M1AP: variants seen among roughly 807,000 people sequenced by gnomAD.
M1AP encodes meiosis 1 associated protein, also known as meiosis 1 arrest protein.
In M1AP, 39 loss-of-function variants were observed where a neutral mutation model predicts 51.2. The observed-to-expected ratio is 0.76, with a 90% CI of 0.59 to 1.00. The LOEUF (loss-of-function observed/expected upper bound fraction) is 1.00, where lower values mean the gene tolerates loss of function less well. Among genes scored for constraint, M1AP ranks in the 50% least tolerant of loss-of-function variants. The pLI is 0.00. For synonymous variants in M1AP, 251 were observed against 249.2 expected, an observed-to-expected ratio of 1.01 and a Z score of -0.07; for missense variants, 545 against 641.2, an observed-to-expected ratio of 0.85 and a Z score of 1.62.
chr2:74,567,149 T>G (rs1157604410), intron 7 of M1AP, among the ~76,000 whole-genome samples: 1 of 152,226 alleles, frequency 6.6e-6, no homozygotes, highest in Non-Finnish European at 1.5e-5. Context: ...ATATATTTAT[T>G]TCCTACCACA....
intron 2 of M1AP, among the ~76,000 whole-genome samples, chr2:74,623,989 A>T (rs962571038): frequency 4.6e-5 from 7 of 152,170 alleles, no homozygotes; most frequent in African/African-American, 1.7e-4. Flanking sequence ...ACTGTTAATT[A>T]AAAAAAATTA....
intron 2 of M1AP, among the ~76,000 whole-genome samples, chr2:74,622,137 CAA>C (rs902485795): frequency 2.0e-5 from 3 of 151,348 alleles, no homozygotes; most frequent in Non-Finnish European, 4.4e-5. Flanking sequence ...AAAAAAAAGA[CAA>C]TATAAAAAAT....
chr2:74,589,067 C>T (rs1003194627), intron 4 of M1AP, among the ~76,000 whole-genome samples: 13 of 152,178 alleles, frequency 8.5e-5, no homozygotes, highest in East Asian at 1.9e-4. Flanking sequence ...TGTGTGTGCA[C>T]GCGCGCGCGT....
intron 2 of M1AP, among the ~76,000 whole-genome samples, chr2:74,629,763 AT>A (rs1185966147): frequency 6.6e-6 from 1 of 151,930 alleles, no homozygotes; most frequent in African/African-American, 2.4e-5. Context: ...AAAAAAAAAA[AT>A]GTATAAAATT....
chr2:74,626,257 G>GT (rs1337799000), intron 2 of M1AP, among the ~76,000 whole-genome samples: 6,027 of 125,846 alleles, frequency 0.048, 330 homozygotes, highest in African/African-American at 0.11. Context: ...CTATATTTCA[G>GT]TTTTTTTTTT....
At chr2:74,648,159 C>A (rs1683715855) in intron 1 of M1AP, 106 bp downstream of exon 1, 8 of 962,156 alleles carry the variant, frequency 8.3e-6, no homozygotes, top group Non-Finnish European at 9.9e-6. Flanking sequence ...GCAACCAACA[C>A]CTGCCTGAGG....
intron 2 of M1AP, among the ~76,000 whole-genome samples, chr2:74,636,790 A>G (rs1313050829): frequency 6.6e-6 from 1 of 152,016 alleles, no homozygotes; most frequent in Non-Finnish European, 1.5e-5. Flanking sequence ...TTTCCTCTAC[A>G]TATATCTCAA....
intron 4 of M1AP, among the ~76,000 whole-genome samples, chr2:74,605,153 TGATCTTTTTGGA>T (rs1680898402): frequency 6.6e-6 from 1 of 152,232 alleles, no homozygotes; most frequent in South Asian, 2.1e-4. Context: ...TGAATTGGTA[TGATCTTTTTGGA>T]GAGTTTTTTG....
intron 4 of M1AP, among the ~76,000 whole-genome samples, chr2:74,596,276 G>A (rs1022621746): frequency 1.3e-5 from 2 of 152,156 alleles, no homozygotes; most frequent in African/African-American, 4.8e-5. Context: ...GGATGGGAAA[G>A]GATGAACCAT....
In M1AP at chr2:74,639,145, G is replaced by C. The variant is rs575094783; in HGVS notation, c.240+891C>G. 7.2e-5 allele frequency among the ~76,000 whole-genome samples: 11 copies of C among 152,198 alleles called. No homozygotes were observed. In the South Asian group the frequency reaches 2.1e-3, roughly 29 times the overall value. ...TATGTTCTAACTCAAGAAGCATGAA[G>C]TAATATATATTATTTTCATTCTTTA... On this transcript the variant is annotated intron_variant, in intron 2 of 10. Transcript: ENST00000421985.
chr2:74,639,945 T>C (rs778402684), intron 2 of M1AP, 91 bp downstream of exon 2: 2 of 1,148,758 alleles, frequency 1.7e-6, no homozygotes, highest in Non-Finnish European at 2.5e-6. Context: ...GCGGTTATTG[T>C]TATAAGTATT....
chr2:74,631,636 GTT>G, intron 2 of M1AP, among the ~76,000 whole-genome samples: 1 of 152,106 alleles, frequency 6.6e-6, no homozygotes, highest in East Asian at 1.9e-4. Flanking sequence ...ATTTAAATAA[GTT>G]TTTTATTATA....
intron 2 of M1AP, among the ~76,000 whole-genome samples, chr2:74,634,753 T>C (rs1682886189): frequency 6.6e-6 from 1 of 152,214 alleles, no homozygotes; most frequent in Non-Finnish European, 1.5e-5. Flanking sequence ...GACATAATCA[T>C]GTGGTTTTCT....
At chr2:74,611,107 G>A (rs1209838880) in intron 3 of M1AP, among the ~76,000 whole-genome samples, 1 of 152,176 alleles carries the variant, frequency 6.6e-6, no homozygotes, top group African/African-American at 2.4e-5. Context: ...TTGCATCTAT[G>A]TTCTTCAGAG....
At chr2:74,576,662 G>A (rs1329530652) in intron 5 of M1AP, 44 bp from the exon 6 acceptor site, 1 of 1,600,164 alleles carries the variant, frequency 6.2e-7, no homozygotes, top group Non-Finnish European at 8.6e-7. Flanking sequence ...TACAATTGGA[G>A]GAAGGATTGT....
chr2:74,561,428 C>G (rs1573053927), intron 8 of M1AP, among the ~76,000 whole-genome samples: 1 of 150,146 alleles, frequency 6.7e-6, no homozygotes, highest in Non-Finnish European at 1.5e-5. Flanking sequence ...CATATGCACA[C>G]GTGCAATGCA....
At chr2:74,574,350 C>T (rs1490909402) in intron 7 of M1AP, among the ~76,000 whole-genome samples, 1 of 152,170 alleles carries the variant, frequency 6.6e-6, no homozygotes, top group African/African-American at 2.4e-5. Context: ...TTCTCACTCC[C>T]TATATCCAAT....
At chr2:74,564,140 G>A (rs1044909169) in intron 7 of M1AP, among the ~76,000 whole-genome samples, 1 of 152,212 alleles carries the variant, frequency 6.6e-6, no homozygotes, top group Non-Finnish European at 1.5e-5. Flanking sequence ...GAGGAAAGAG[G>A]ATTATCAGTG....
intron 1 of M1AP, among the ~76,000 whole-genome samples, chr2:74,641,626 A>T (rs1683300366): frequency 6.6e-6 from 1 of 151,254 alleles, no homozygotes; most frequent in Non-Finnish European, 1.5e-5. Context: ...ACATGCAAAG[A>T]CCAAGAATTT....
Sources: allele counts gnomAD v4.1 joint callset (sites outside exome capture counted in the v4.1 genomes callset), GRCh38; gene constraint gnomAD v4.1.1; transcripts MANE v1.5; gene names NCBI Gene and HGNC (gene_info 2026-07-23, HGNC 2026-07-21).